SYNPR: variants seen among roughly 807,000 people sequenced by gnomAD.
SYNPR encodes synaptoporin.
SYNPR carries 23 observed loss-of-function variants against 32.9 expected under a neutral mutation model. The observed-to-expected ratio is 0.70, with a 90% CI of 0.50 to 0.99. SYNPR has a LOEUF of 0.99. SYNPR is among the 50% of genes least tolerant of loss of function. The pLI is 0.00. For missense variants in SYNPR, 318 were observed against 349.3 expected (o/e 0.91, Z 0.71); for synonymous variants, 146 against 135.9 (o/e 1.07, Z -0.52).
intron 2 of SYNPR, among the ~76,000 whole-genome samples, chr3:63,292,730 CA>C (rs1224758043): frequency 6.6e-6 from 1 of 152,208 alleles, no homozygotes; most frequent in Admixed American, 6.5e-5. Flanking sequence ...GCAAAGAAAG[CA>C]TTGGAAAATT....
At chr3:63,445,147 G>A (rs535142805) in intron 2 of SYNPR, among the ~76,000 whole-genome samples, 1 of 152,150 alleles carries the variant, frequency 6.6e-6, no homozygotes. Context: ...GTAACAGGTT[G>A]TATGTGAAGT....
intron 1 of SYNPR, among the ~76,000 whole-genome samples, chr3:63,249,083 TA>T (rs1272262998): frequency 6.6e-6 from 1 of 152,170 alleles, no homozygotes; most frequent in Non-Finnish European, 1.5e-5. Context: ...ATATGATTTT[TA>T]AAATTCTATT....
At chr3:63,257,350 C>A (rs1212228650) in intron 2 of SYNPR, among the ~76,000 whole-genome samples, 6 of 152,114 alleles carry the variant, frequency 3.9e-5, no homozygotes, top group Non-Finnish European at 7.3e-5. Context: ...GGGAAGCCTA[C>A]CAGACTAACA....
intron 5 of SYNPR, among the ~76,000 whole-genome samples, chr3:63,614,243 C>G (rs1275419753): frequency 6.6e-6 from 1 of 152,200 alleles, no homozygotes; most frequent in African/African-American, 2.4e-5. Flanking sequence ...TTACCTGTCT[C>G]CATTAGGGGG....
At chr3:63,231,227 T>C (rs1336608898) in intron 1 of SYNPR, among the ~76,000 whole-genome samples, 1 of 152,142 alleles carries the variant, frequency 6.6e-6, no homozygotes, top group Non-Finnish European at 1.5e-5. Flanking sequence ...GCCATTATTC[T>C]AAGTGAAGTA....
intron 2 of SYNPR, among the ~76,000 whole-genome samples, chr3:63,382,991 T>C (rs142404097): frequency 6.6e-6 from 1 of 152,354 alleles, no homozygotes; most frequent in East Asian, 1.9e-4. Context: ...AACTAGAGAC[T>C]TGATTTACTT....
chr3:63,281,896 G>C (rs2367780), intron 2 of SYNPR, among the ~76,000 whole-genome samples: 1 of 152,104 alleles, frequency 6.6e-6, no homozygotes, highest in African/African-American at 2.4e-5. Context: ...CAAAAAGAAT[G>C]AATTAGCCAG....
chr3:63,612,618 C>T (rs1247803815), intron 5 of SYNPR, among the ~76,000 whole-genome samples: 1 of 152,168 alleles, frequency 6.6e-6, no homozygotes, highest in African/African-American at 2.4e-5. Context: ...AGTTCAAGGG[C>T]CCAAGTGACC....
chr3:63,377,553 T>C (rs1000759278), intron 2 of SYNPR, among the ~76,000 whole-genome samples: 1 of 152,056 alleles, frequency 6.6e-6, no homozygotes, highest in Non-Finnish European at 1.5e-5. Flanking sequence ...TCTTTCAGTA[T>C]GCTACCAAAT....
intron 1 of SYNPR, among the ~76,000 whole-genome samples, chr3:63,233,351 G>C (rs772699876): frequency 1.3e-4 from 20 of 152,162 alleles, no homozygotes; most frequent in Non-Finnish European, 2.5e-4. Flanking sequence ...GTTTAAAACA[G>C]GTGGACAGTA....
chr3:63,300,534 C>T (rs2086834375), intron 2 of SYNPR, among the ~76,000 whole-genome samples: 2 of 152,028 alleles, frequency 1.3e-5, no homozygotes, highest in South Asian at 4.1e-4. Flanking sequence ...AGCCTTTTCT[C>T]CCTCCCACAG....
chr3:63,260,135 G>A (rs1406569038), intron 2 of SYNPR, among the ~76,000 whole-genome samples: 1 of 152,148 alleles, frequency 6.6e-6, no homozygotes, highest in Admixed American at 6.5e-5. Context: ...TGTGAAAATG[G>A]CCATACTGCC....
At chr3:63,439,929 A>G (rs1314586067) in intron 2 of SYNPR, among the ~76,000 whole-genome samples, 1 of 152,172 alleles carries the variant, frequency 6.6e-6, no homozygotes, top group African/African-American at 2.4e-5. Context: ...AACACCTACT[A>G]TGTGGCAGGT....
intron 2 of SYNPR, among the ~76,000 whole-genome samples, chr3:63,329,130 A>G (rs1560193804): frequency 6.6e-6 from 1 of 152,212 alleles, no homozygotes; most frequent in Non-Finnish European, 1.5e-5. Flanking sequence ...AAAGAATTTG[A>G]CTATTCAGCA....
chr3:63,404,539 T>C (rs990397435), intron 2 of SYNPR, among the ~76,000 whole-genome samples: 3 of 152,174 alleles, frequency 2.0e-5, no homozygotes, highest in Admixed American at 2.0e-4. Flanking sequence ...CTGATTTTCC[T>C]TAGAACTGGG....
intron 2 of SYNPR, among the ~76,000 whole-genome samples, chr3:63,286,069 T>A (rs2086677518): frequency 1.3e-5 from 2 of 152,212 alleles, no homozygotes; most frequent in Admixed American, 1.3e-4. Flanking sequence ...GAAATTTGTA[T>A]CCAGACTTGC....
At chr3:63,328,464 G>T (rs1560193625) in intron 2 of SYNPR, among the ~76,000 whole-genome samples, 1 of 152,112 alleles carries the variant, frequency 6.6e-6, no homozygotes, top group Non-Finnish European at 1.5e-5. Flanking sequence ...TAATCACTGG[G>T]TTGAGTGCTC....
At chr3:63,434,030 T>A (rs1396204525) in intron 2 of SYNPR, among the ~76,000 whole-genome samples, 1 of 152,070 alleles carries the variant, frequency 6.6e-6, no homozygotes, top group Non-Finnish European at 1.5e-5. Context: ...TCAGATGGAA[T>A]CTTAAACAAG....
At chr3:63,283,871 G>A (rs182893723) in intron 2 of SYNPR, among the ~76,000 whole-genome samples, 469 of 138,728 alleles carry the variant, frequency 3.4e-3, no homozygotes, top group Admixed American at 5.4e-3. Context: ...AGGCTGGAGC[G>A]CAATGGCGCC....
Sources: gnomAD v4.1 joint callset for allele counts (sites outside exome capture counted in the v4.1 genomes callset) on GRCh38, gnomAD v4.1.1 for gene constraint, MANE v1.5 for transcripts, NCBI Gene and HGNC (gene_info 2026-07-23, HGNC 2026-07-21) for gene names.